Variants in ZNF438 observed in about 807,000 individuals in gnomAD.
The protein encoded by ZNF438 is zinc finger protein 438.
A neutral mutation model predicts 38.0 loss-of-function variants in ZNF438; 25 were observed. The observed-to-expected ratio is 0.66, with a 90% CI of 0.48 to 0.92. The LOEUF (loss-of-function observed/expected upper bound fraction) is 0.92. ZNF438 is among the 40% of genes least tolerant of loss of function. The pLI is 0.00. For synonymous variants in ZNF438, 372 were observed against 364.1 expected, an observed-to-expected ratio of 1.02 and a Z score of -0.25; for missense variants, 1,007 against 999.6, an observed-to-expected ratio of 1.01 and a Z score of -0.10.
intron 1 of ZNF438, among the ~76,000 whole-genome samples, chr10:30,949,430 G>T (rs1277299293): frequency 3.9e-5 from 6 of 152,144 alleles, no homozygotes; most frequent in Non-Finnish European, 8.8e-5. Flanking sequence ...TGGACTAAAT[G>T]CTCCAATTAA....
chr10:30,851,974 G>A (rs549536872), intron 4 of ZNF438, among the ~76,000 whole-genome samples: 4 of 151,782 alleles, frequency 2.6e-5, no homozygotes, highest in South Asian at 4.2e-4. Context: ...ACCTGGCCAC[G>A]TGATGAAACT....
At chr10:30,975,697 G>T (rs531950820) in intron 1 of ZNF438, among the ~76,000 whole-genome samples, 1 of 152,134 alleles carries the variant, frequency 6.6e-6, no homozygotes, top group South Asian at 2.1e-4. Context: ...CAGAAAAAAT[G>T]AAAACAGTAT....
At position 30,848,838 on chromosome 10, in the gene ZNF438, G is replaced by A. The variant is rs758236314; in HGVS notation, c.1567C>T (p.Arg523Ter). Residue 523 changes from arginine to a stop codon, truncating the protein, a stop_gained, in exon 5 of 6, where the codon CGA (arginine) becomes TGA (stop). Transcript: ENST00000413025. LOFTEE classifies it high-confidence loss of function. ...TTGGTGTGTGTATTCATGTGGTCTC[G>A]AAGGTGCTGTTTGAACTGGAAGTGG... 1.1e-5 allele frequency: 18 copies of A among 1,614,128 alleles called. No homozygotes were observed. The highest frequency in any genetic ancestry group is 1.6e-4 in the Middle Eastern group (1 of 6,084).
At chr10:30,860,786 T>C (rs1564509423) in intron 4 of ZNF438, among the ~76,000 whole-genome samples, 1 of 152,202 alleles carries the variant, frequency 6.6e-6, no homozygotes, top group African/African-American at 2.4e-5. Context: ...CTTCCCACTT[T>C]TGTTTATACC....
intron 2 of ZNF438, among the ~76,000 whole-genome samples, chr10:30,911,578 T>C (rs1481861160): frequency 1.3e-5 from 2 of 152,134 alleles, no homozygotes; most frequent in Non-Finnish European, 2.9e-5. Context: ...AGTCTCTGTG[T>C]CCTACAAATT....
At chr10:30,924,060 T>G (rs1225584419) in intron 2 of ZNF438, among the ~76,000 whole-genome samples, 1 of 152,232 alleles carries the variant, frequency 6.6e-6, no homozygotes, top group Non-Finnish European at 1.5e-5. Flanking sequence ...TGTTGCTATG[T>G]AAATTATATC....
chr10:31,023,690 T>C (rs982887403), intron 1 of ZNF438, among the ~76,000 whole-genome samples: 16 of 152,230 alleles, frequency 1.1e-4, no homozygotes, highest in African/African-American at 3.9e-4. Context: ...ACAAAACCAG[T>C]TTTAAATCTA....
chr10:30,967,877 G>A (rs2050299989), intron 1 of ZNF438, among the ~76,000 whole-genome samples: 1 of 152,162 alleles, frequency 6.6e-6, no homozygotes, highest in Non-Finnish European at 1.5e-5. Flanking sequence ...GAACTACACA[G>A]GAAATGTGAA....
chr10:30,964,765 G>A (rs2049927504), intron 1 of ZNF438, among the ~76,000 whole-genome samples: 1 of 152,122 alleles, frequency 6.6e-6, no homozygotes, highest in Non-Finnish European at 1.5e-5. Flanking sequence ...ACTCTGAACA[G>A]GACCTACCAT....
chr10:31,019,532 T>C (rs2056442895), intron 1 of ZNF438, among the ~76,000 whole-genome samples: 1 of 152,214 alleles, frequency 6.6e-6, no homozygotes, highest in Non-Finnish European at 1.5e-5. Context: ...TGGAAGAATA[T>C]GTTTGCAACA....
At chr10:30,890,098 A>AG (rs1410681335) in intron 3 of ZNF438, among the ~76,000 whole-genome samples, 2 of 145,822 alleles carry the variant, frequency 1.4e-5, no homozygotes, top group Non-Finnish European at 3.0e-5. Flanking sequence ...AAAAAAAAAA[A>AG]AAAAAGAAAA....
rs2033049443 is a variant in ZNF438 at position 30,849,270 on chromosome 10, CTCCACTGTTCAGTTTTGTTTTGTGG to C, written c.1110_1134del (p.Asn370LysfsTer38). On this transcript the variant is annotated frameshift_variant, in exon 5 of 6. Transcript: ENST00000413025. LOFTEE classifies it high-confidence loss of function. The stretch of plus-strand genomic sequence containing the variant: ...CGTTTTCTTCCTTTTCTCTTTGCTG[CTCCACTGTTCAGTTTTGTTTTGTGG>C]TTAAGATCAAGTTTGGTGGGTGGAC... 9 of 1,614,050 alleles carry C rather than the reference CTCCACTGTTCAGTTTTGTTTTGTGG, an allele frequency of 5.6e-6. No individual in the cohort carries two copies. The highest frequency in any genetic ancestry group is 1.1e-5 in the South Asian group (1 of 91,090).
At chr10:30,973,376 T>C (rs1386206815) in intron 1 of ZNF438, among the ~76,000 whole-genome samples, 1 of 152,174 alleles carries the variant, frequency 6.6e-6, no homozygotes, top group Non-Finnish European at 1.5e-5. Flanking sequence ...AAAAACTGAA[T>C]GAAACATAAT....
chr10:30,992,303 A>C (rs1276006885), intron 1 of ZNF438, among the ~76,000 whole-genome samples: 1 of 152,228 alleles, frequency 6.6e-6, no homozygotes, highest in Non-Finnish European at 1.5e-5. Flanking sequence ...AACGGGTAGA[A>C]GCTGGAAGAC....
intron 4 of ZNF438, among the ~76,000 whole-genome samples, chr10:30,865,713 G>A (rs1314153590): frequency 6.6e-6 from 1 of 152,194 alleles, no homozygotes; most frequent in Non-Finnish European, 1.5e-5. Context: ...GCTGGGGGAG[G>A]AGTTCCTCAG....
intron 3 of ZNF438, among the ~76,000 whole-genome samples, chr10:30,878,286 C>T (rs2038737519): frequency 6.6e-6 from 1 of 152,066 alleles, no homozygotes; most frequent in Admixed American, 6.6e-5. Context: ...CCTCTAAAGA[C>T]CCTGGACTCA....
intron 3 of ZNF438, among the ~76,000 whole-genome samples, chr10:30,904,222 T>C (rs1049164025): frequency 6.6e-6 from 1 of 152,234 alleles, no homozygotes; most frequent in African/African-American, 2.4e-5. Context: ...AATCCATTCA[T>C]GTTACTTGAA....
intron 2 of ZNF438, among the ~76,000 whole-genome samples, chr10:30,918,699 T>A (rs527756863): frequency 3.2e-4 from 48 of 152,302 alleles, no homozygotes; most frequent in African/African-American, 1.0e-3. Context: ...GAATGGAGAT[T>A]CTACAAGTTG....
At chr10:30,999,229 A>G (rs1025273733) in intron 1 of ZNF438, 5 of 152,246 alleles carry the variant, frequency 3.3e-5, no homozygotes, top group Non-Finnish European at 5.9e-5. Context: ...AACCATATGC[A>G]TAAGACTGTT....
Sources: gnomAD v4.1 joint callset for allele counts (sites outside exome capture counted in the v4.1 genomes callset) on GRCh38, gnomAD v4.1.1 for gene constraint, MANE v1.5 for transcripts, NCBI Gene and HGNC (gene_info 2026-07-23, HGNC 2026-07-21) for gene names.